Variants in EPG5 observed in about 807,000 individuals in gnomAD.
EPG5 encodes the protein ectopic P-granules 5 autophagy tethering factor, also known as ectopic P granules protein 5 homolog.
EPG5 carries 159 observed loss-of-function variants against 302.7 expected under a neutral mutation model. The observed-to-expected ratio is 0.53, with a 90% CI of 0.46 to 0.60. The LOEUF (loss-of-function observed/expected upper bound fraction) is 0.60. Ranked by LOEUF, EPG5 falls within the 20% of genes least tolerant of loss-of-function variation. The pLI is 0.00. For synonymous variants in EPG5, 1,158 were observed against 1,136.8 expected (o/e 1.02, Z -0.37); for missense variants, 2,896 against 3,092.4 (o/e 0.94, Z 1.51).
intron 16 of EPG5, among the ~76,000 whole-genome samples, chr18:45,920,744 A>G (rs1203001614): frequency 6.6e-6 from 1 of 152,180 alleles, no homozygotes; most frequent in Non-Finnish European, 1.5e-5. Context: ...CATGACCCAA[A>G]CACCTCCCAT....
At chr18:45,964,223 C>T (rs910634925) in intron 1 of EPG5, among the ~76,000 whole-genome samples, 3 of 152,016 alleles carry the variant, frequency 2.0e-5, no homozygotes, top group Non-Finnish European at 4.4e-5. Context: ...AGAGGGAATC[C>T]CCTTAACAGA....
In EPG5 at chr18:45,881,973, C is replaced by G. The variant is rs562964101; in HGVS notation, c.5518+301G>C. On this transcript the variant is annotated intron_variant, in intron 31 of 43. Transcript: ENST00000282041. The stretch of plus-strand genomic sequence containing the variant: ...AGAGTAAGCCAGTCCTTTCCCACCC[C>G]ACTTCAAGACAGCTGAAAAGTCAAG... Among the ~76,000 whole-genome samples, 8 of 152,316 alleles carry G rather than the reference C, an allele frequency of 5.3e-5. No individual in the cohort carries two copies. The South Asian group carries it at 1.5e-3, about 28-fold the overall frequency.
intron 40 of EPG5, among the ~76,000 whole-genome samples, chr18:45,859,374 G>A (rs2048584535): frequency 6.6e-6 from 1 of 152,176 alleles, no homozygotes; most frequent in South Asian, 2.1e-4. Flanking sequence ...CCACCTCCAT[G>A]GGTGGGCATG....
chr18:45,879,950 C>T, intron 32 of EPG5, 125 bp downstream of exon 32: 1 of 1,123,316 alleles, frequency 8.9e-7, no homozygotes, highest in South Asian at 1.7e-5. Context: ...AACCAAAGCA[C>T]TTAACACAAA....
chr18:45,959,230 A>T (rs533376703), intron 1 of EPG5, among the ~76,000 whole-genome samples: 3 of 152,102 alleles, frequency 2.0e-5, no homozygotes, highest in South Asian at 2.1e-4. Flanking sequence ...AATCCCAGCT[A>T]CTCGCGAGGC....
At position 45,867,752 on chromosome 18, in the gene EPG5, A is replaced by T; in HGVS notation, c.6226-4T>A. The T allele has an allele frequency of 6.3e-7, 1 of 1,587,376 alleles. No homozygotes were observed. ...TCTTGGGGCTTCCTCGTTCCACCTA[A>T]AAGAAAATGAATTAAAATCATTCTG... On this transcript the variant is annotated splice_polypyrimidine_tract_variant and splice_region_variant and intron_variant, in intron 36 of 43. Transcript: ENST00000282041.
the EPG5 span, among the ~76,000 whole-genome samples, chr18:45,807,557 CTG>C: frequency 3.3e-5 from 5 of 152,230 alleles, no homozygotes; most frequent in Admixed American, 6.5e-5. Context: ...TCACAGGACT[CTG>C]TGCAGAAAAC....
rs2145661007 is a variant in EPG5 at position 45,910,037 on chromosome 18, G to C, written c.4205+484C>G. ...GTCTCACTCTGTTGCCCAGGCTGGA[G>C]TACAGTGGCATGATTATGGCTCATT... On this transcript the variant is annotated intron_variant, in intron 23 of 43. Transcript: ENST00000282041. Among the ~76,000 whole-genome samples, 3 of 152,064 alleles carry C rather than the reference G, an allele frequency of 2.0e-5. No individual in the cohort carries two copies. The Middle Eastern group carries it at 0.01, about 517-fold the overall frequency.
At chr18:45,901,290 G>A in intron 25 of EPG5, 123 bp from the exon 26 acceptor site, 1 of 791,754 alleles carries the variant, frequency 1.3e-6, no homozygotes, top group East Asian at 2.7e-5. Flanking sequence ...GATAGTTGAA[G>A]AGTTAAAGCT....
chr18:45,921,638 A>G (rs554338462), intron 16 of EPG5, among the ~76,000 whole-genome samples: 15 of 152,300 alleles, frequency 9.8e-5, no homozygotes, highest in African/African-American at 3.6e-4. Context: ...ACAGACAGCT[A>G]TGGGCTCATA....
At chr18:45,928,120 T>TGGGAGGCAGAGGTTGTA (rs1432158714) in intron 13 of EPG5, among the ~76,000 whole-genome samples, 2 of 151,156 alleles carry the variant, frequency 1.3e-5, no homozygotes, top group Non-Finnish European at 2.9e-5. Context: ...CACTTGAACC[T>TGGGAGGCAGAGGTTGTA]GGGAGGCAGA....
intron 12 of EPG5, among the ~76,000 whole-genome samples, chr18:45,929,641 T>C (rs975294461): frequency 6.6e-6 from 1 of 152,252 alleles, no homozygotes; most frequent in African/African-American, 2.4e-5. Flanking sequence ...TTGTGACTCC[T>C]GGTCAAAACA....
the EPG5 span, among the ~76,000 whole-genome samples, chr18:45,830,583 C>CT: frequency 0.02 from 1,972 of 96,536 alleles, 189 homozygotes; most frequent in African/African-American, 0.057. Context: ...ATTTTTCTTT[C>CT]TTTTTTTTTT....
intron 29 of EPG5, among the ~76,000 whole-genome samples, chr18:45,886,674 T>C (rs891189640): frequency 1.3e-5 from 2 of 152,226 alleles, no homozygotes; most frequent in Non-Finnish European, 2.9e-5. Context: ...AATTTTTTTT[T>C]TGAGACAGAG....
At chr18:45,860,635 G>A in intron 39 of EPG5, among the ~76,000 whole-genome samples, 1 of 152,214 alleles carries the variant, frequency 6.6e-6, no homozygotes, top group South Asian at 2.1e-4. Context: ...TGGTGTGAAA[G>A]AGTAACTTAT....
intron 1 of EPG5, among the ~76,000 whole-genome samples, chr18:45,965,212 T>C (rs1164741640): frequency 1.3e-5 from 2 of 149,102 alleles, no homozygotes; most frequent in African/African-American, 5.1e-5. Context: ...GAAAATCAAA[T>C]ACCACGTTCT....
In EPG5 at chr18:45,916,508, T is replaced by A; in HGVS notation, c.3314A>T (p.His1105Leu). The A allele has an allele frequency of 6.2e-7, 1 of 1,613,798 alleles. No individual in the cohort carries two copies. The highest frequency in any genetic ancestry group is 8.5e-7 in the Non-Finnish European group (1 of 1,179,722). ...VPQGVTQQVT[H>L]KVAQHLTGAS... is the part of the protein sequence containing the mutation. The stretch of plus-strand genomic sequence containing the variant: ...TCCTGTCAGGTGCTGTGCCACCTTG[T>A]GGGTGACCTGTTGTGTGACACCCTG... Residue 1105 changes from histidine (H) to leucine (L), a missense_variant, in exon 18 of 44, where the codon CAC (histidine) becomes CTC (leucine). Transcript: ENST00000282041.
the EPG5 span, among the ~76,000 whole-genome samples, chr18:45,807,234 GGA>G: frequency 6.6e-6 from 1 of 152,126 alleles, no homozygotes; most frequent in Non-Finnish European, 1.5e-5. Flanking sequence ...ACCTGCCCAA[GGA>G]GAGTCTGTGC....
intron 8 of EPG5, 122 bp from the exon 9 acceptor site, chr18:45,943,433 A>G: frequency 2.6e-6 from 2 of 763,164 alleles, no homozygotes; most frequent in Non-Finnish European, 4.2e-6. Flanking sequence ...TGACAGTCTC[A>G]TTACTCTGGC....
Sources: allele counts gnomAD v4.1 joint callset (sites outside exome capture counted in the v4.1 genomes callset), GRCh38; gene constraint gnomAD v4.1.1; transcripts MANE v1.5; gene names NCBI Gene and HGNC (gene_info 2026-07-23, HGNC 2026-07-21).